The following CEMIP2 variants were observed in gnomAD, a reference collection of about 807,000 sequenced individuals.
CEMIP2 encodes cell surface hyaluronidase CEMIP2.
CEMIP2 carries 79 observed loss-of-function variants against 146.9 expected under a neutral mutation model. That is an observed-to-expected ratio of 0.54 (90% CI 0.45 to 0.65). The LOEUF (loss-of-function observed/expected upper bound fraction) is 0.65, where lower values mean the gene tolerates loss of function less well. CEMIP2 is among the 30% of genes least tolerant of loss of function. The pLI is 0.00. For synonymous variants in CEMIP2, 601 were observed against 606.3 expected, an observed-to-expected ratio of 0.99 and a Z score of 0.13; for missense variants, 1,596 against 1,696.2, an observed-to-expected ratio of 0.94 and a Z score of 1.04.
chr9:71,724,291 C>G (rs1365483227), intron 11 of CEMIP2, among the ~76,000 whole-genome samples: 1 of 149,526 alleles, frequency 6.7e-6, no homozygotes, highest in Non-Finnish European at 1.5e-5. Context: ...AAGACTCTGT[C>G]TCAAAAAAAG....
chr9:71,722,050 A>G (rs2307006), intron 12 of CEMIP2, among the ~76,000 whole-genome samples: 1,595 of 152,330 alleles, frequency 0.01, 24 homozygotes, highest in African/African-American at 0.034. Context: ...AATAAATTCT[A>G]TATGGTTTGG....
intron 11 of CEMIP2, among the ~76,000 whole-genome samples, chr9:71,725,328 A>G (rs1018562427): frequency 6.6e-6 from 1 of 152,126 alleles, no homozygotes; most frequent in African/African-American, 2.4e-5. Context: ...AATTTGTTCT[A>G]TAGCTCTCTC....
chr9:71,701,838 A>G (rs1822570798), intron 18 of CEMIP2, among the ~76,000 whole-genome samples: 3 of 152,290 alleles, frequency 2.0e-5, no homozygotes, highest in Admixed American at 6.5e-5. Context: ...TACCATTTTA[A>G]TAATTTTTAG....
intron 11 of CEMIP2, among the ~76,000 whole-genome samples, chr9:71,725,230 G>T (rs1479515529): frequency 6.6e-6 from 1 of 152,220 alleles, no homozygotes; most frequent in Middle Eastern, 3.2e-3. Context: ...AGTATTGGGA[G>T]GTAGAGCCTA....
At position 71,745,396 on chromosome 9, in the gene CEMIP2, T is replaced by G; in HGVS notation, c.656A>C (p.Lys219Thr). The G allele has an allele frequency of 6.2e-7, 1 of 1,614,174 alleles. No homozygotes were observed. Among genetic ancestry groups the G allele is most frequent in the Non-Finnish European group, 8.5e-7 (1 of 1,180,020 alleles). Reference protein sequence around the residue: ...DEGESMPTFGKKFIGVEAGGT... With the variant: ...DEGESMPTFGTKFIGVEAGGT... ...GCCAGCTTCCACACCAATAAACTTT[T>G]TGCCAAATGTTGGCATACTTTCACC... Residue 219 changes from lysine to threonine, a missense_variant, in exon 4 of 24, where the codon AAA (lysine) becomes ACA (threonine). By Grantham distance (78) the Lys-to-Thr change is moderately conservative. Coordinates refer to ENST00000377044, the MANE Select transcript of CEMIP2 (RefSeq NM_013390.3).
At chr9:71,761,826 G>A (rs1206470680) in intron 1 of CEMIP2, among the ~76,000 whole-genome samples, 1 of 152,200 alleles carries the variant, frequency 6.6e-6, no homozygotes, top group East Asian at 1.9e-4. Context: ...AGGCAAAGAA[G>A]GTGGGCTGAG....
At chr9:71,744,568 A>G (rs1436434106) in intron 4 of CEMIP2, among the ~76,000 whole-genome samples, 1 of 152,222 alleles carries the variant, frequency 6.6e-6, no homozygotes, top group Non-Finnish European at 1.5e-5. Flanking sequence ...AAGAAAAAGA[A>G]AAACTGCATA....
At chr9:71,766,690 T>C (rs1824806307) in intron 1 of CEMIP2, among the ~76,000 whole-genome samples, 1 of 152,218 alleles carries the variant, frequency 6.6e-6, no homozygotes, top group Non-Finnish European at 1.5e-5. Context: ...ATAAACACCA[T>C]GTAAGAATTT....
At chr9:71,741,625 T>C (rs1318742682) in intron 4 of CEMIP2, among the ~76,000 whole-genome samples, 1 of 145,588 alleles carries the variant, frequency 6.9e-6, no homozygotes, top group Non-Finnish European at 1.5e-5. Context: ...TTCTTTTTCT[T>C]TTCTGGTTTT....
chr9:71,731,740 A>AAG (rs1554685633), intron 7 of CEMIP2, among the ~76,000 whole-genome samples: 6 of 151,730 alleles, frequency 4.0e-5, no homozygotes, highest in Middle Eastern at 3.4e-3. Context: ...TCAAAAAAAA[A>AAG]AAAAAAATTC....
At chr9:71,694,058 C>G (rs1164074566) in intron 21 of CEMIP2, among the ~76,000 whole-genome samples, 2 of 152,132 alleles carry the variant, frequency 1.3e-5, no homozygotes, top group African/African-American at 2.4e-5. Context: ...CTTGGACTTT[C>G]CAGCCTCCAG....
chr9:71,737,531 C>A (rs1823798117), intron 5 of CEMIP2, among the ~76,000 whole-genome samples: 3 of 152,190 alleles, frequency 2.0e-5, no homozygotes, highest in African/African-American at 4.8e-5. Flanking sequence ...AAGGAACAAC[C>A]AATAATATGT....
At chr9:71,735,066 C>T in intron 5 of CEMIP2, 72 bp from the exon 6 acceptor site, 1 of 1,486,004 alleles carries the variant, frequency 6.7e-7, no homozygotes, top group Non-Finnish European at 8.9e-7. Flanking sequence ...AAAATGAACC[C>T]TCACACTGAT....
rs36080695 is a variant in CEMIP2 at position 71,685,395 on chromosome 9, T to TAAAA, written c.3956-6_3956-3dup. The TAAAA allele has an allele frequency of 2.5e-3, 2,923 of 1,174,788 alleles. 1 individual carries two copies. The highest frequency in any genetic ancestry group is 7.8e-3 in the South Asian group (269 of 34,544). The allele number at this position is 1,174,788 out of a possible 1,614,324, so 72.8% of individuals were successfully genotyped here. A position where few individuals can be genotyped will look rare whatever the true frequency, so the allele number is the denominator to read the frequency against. Reference sequence around the variant, plus strand: ...TGAATCCCAAAAATATGGTACTCCCTAAAAAAAAAAAAAAAAAAGAAAAAG... The same window carrying TAAAA: ...TGAATCCCAAAAATATGGTACTCCCTAAAAAAAAAAAAAAAAAAAAAAGAAAAAG... On this transcript the variant is annotated splice_region_variant and splice_polypyrimidine_tract_variant and intron_variant, in intron 23 of 23. Transcript: ENST00000377044.
intron 22 of CEMIP2, among the ~76,000 whole-genome samples, chr9:71,688,218 A>G (rs528820855): frequency 2.9e-4 from 44 of 152,094 alleles, no homozygotes; most frequent in Non-Finnish European, 5.4e-4. Flanking sequence ...GGGGGCTCTG[A>G]GTAGCTCTTA....
chr9:71,764,494 T>C (rs1363633678), intron 1 of CEMIP2, among the ~76,000 whole-genome samples: 1 of 152,190 alleles, frequency 6.6e-6, no homozygotes, highest in Non-Finnish European at 1.5e-5. Flanking sequence ...ATTTACTATA[T>C]GACCTTACCT....
chr9:71,735,052 C>G, intron 5 of CEMIP2, 58 bp from the exon 6 acceptor site: 1 of 1,525,676 alleles, frequency 6.6e-7, no homozygotes, highest in Non-Finnish European at 8.7e-7. Context: ...ATTTTTTTCT[C>G]TCTAAAATGA....
In CEMIP2 at chr9:71,730,069, G is replaced by C; in HGVS notation, c.1958C>G (p.Pro653Arg). 6.2e-7 allele frequency: 1 copy of C among 1,614,142 alleles called. No individual in the cohort carries two copies. Residue 653 changes from proline (P) to arginine (R), a missense_variant, in exon 9 of 24, where the codon CCT (proline) becomes CGT (arginine). By Grantham distance (103) the Pro-to-Arg change is moderately radical. Coordinates refer to ENST00000377044, the MANE Select transcript of CEMIP2 (RefSeq NM_013390.3). Reference sequence around the variant, plus strand: ...TCACATACAGTCAGTAGCAGGCACAGGAATGTAATTTCCAAACACTTTATC... The same window carrying C: ...TCACATACAGTCAGTAGCAGGCACACGAATGTAATTTCCAAACACTTTATC... Reference protein sequence around the residue: ...MRDKVFGNYIPVPATDCMAVS... With the variant: ...MRDKVFGNYIRVPATDCMAVS...
At chr9:71,739,922 G>A (rs1823865818) in intron 5 of CEMIP2, 141 bp downstream of exon 5, 5 of 775,062 alleles carry the variant, frequency 6.5e-6, no homozygotes, top group Non-Finnish European at 9.9e-6. Context: ...AAGCACAGTA[G>A]GAAAACTAAG....
Sources: allele counts gnomAD v4.1 joint callset (sites outside exome capture counted in the v4.1 genomes callset), GRCh38; gene constraint gnomAD v4.1.1; transcripts MANE v1.5; gene names NCBI Gene and HGNC (gene_info 2026-07-23, HGNC 2026-07-21).